BRD10: variants seen among roughly 807,000 people sequenced by gnomAD.
BRD10 encodes bromodomain containing 10.
the BRD10 span, among the ~76,000 whole-genome samples, chr9:5,898,548 T>A: frequency 7.9e-5 from 12 of 152,318 alleles, no homozygotes; most frequent in African/African-American, 2.9e-4. Flanking sequence ...ACCTGTCTCT[T>A]TGGTTCTACT....
At chr9:5,961,793 A>G in the BRD10 span, among the ~76,000 whole-genome samples, 10 of 152,216 alleles carry the variant, frequency 6.6e-5, no homozygotes, top group Non-Finnish European at 1.3e-4. Flanking sequence ...AAAGCAGATT[A>G]AAATGCTTAA....
At chr9:5,994,901 C>CTTTTTCTTTTTT in the BRD10 span, among the ~76,000 whole-genome samples, 4 of 141,688 alleles carry the variant, frequency 2.8e-5, no homozygotes, top group African/African-American at 1.0e-4. Flanking sequence ...TATCATTTTT[C>CTTTTTCTTTTTT]TTTTTTTTTT....
chr9:5,987,995 A>C, the BRD10 span, among the ~76,000 whole-genome samples: 1 of 152,174 alleles, frequency 6.6e-6, no homozygotes, highest in Non-Finnish European at 1.5e-5. Flanking sequence ...TGAACTACAT[A>C]ATCTCTGGAG....
At chr9:6,004,436 T>C in the BRD10 span, among the ~76,000 whole-genome samples, 1 of 152,208 alleles carries the variant, frequency 6.6e-6, no homozygotes, top group Non-Finnish European at 1.5e-5. Flanking sequence ...ATTCAAGTTA[T>C]ATGCTGTGTC....
the BRD10 span, among the ~76,000 whole-genome samples, chr9:5,985,633 G>C: frequency 6.6e-6 from 1 of 151,970 alleles, no homozygotes; most frequent in East Asian, 1.9e-4. Flanking sequence ...TGAAAATACA[G>C]AATTAGCCGG....
chr9:5,993,784 T>G, the BRD10 span, among the ~76,000 whole-genome samples: 1 of 152,236 alleles, frequency 6.6e-6, no homozygotes, highest in South Asian at 2.1e-4. Context: ...AGTTTGATCC[T>G]TATAAATCAG....
At chr9:5,885,924 A>G in the BRD10 span, among the ~76,000 whole-genome samples, 1 of 152,210 alleles carries the variant, frequency 6.6e-6, no homozygotes, top group African/African-American at 2.4e-5. Context: ...ATGAAAGGGC[A>G]ACAGGACTTT....
the BRD10 span, among the ~76,000 whole-genome samples, chr9:5,990,838 G>A: frequency 2.0e-5 from 3 of 151,928 alleles, no homozygotes; most frequent in Non-Finnish European, 4.4e-5. Flanking sequence ...AATCATTAAA[G>A]TTTAACATGA....
At chr9:5,930,306 C>T in the BRD10 span, among the ~76,000 whole-genome samples, 1 of 149,266 alleles carries the variant, frequency 6.7e-6, no homozygotes, top group Non-Finnish European at 1.5e-5. Flanking sequence ...GGAAAAATTA[C>T]CACTATCTAG....
At chr9:5,948,692 G>A in the BRD10 span, among the ~76,000 whole-genome samples, 1 of 151,928 alleles carries the variant, frequency 6.6e-6, no homozygotes, top group African/African-American at 2.4e-5. Flanking sequence ...ATATTAAAAA[G>A]CAAAGCAAAA....
chr9:5,950,879 T>C, the BRD10 span, among the ~76,000 whole-genome samples: 3 of 152,074 alleles, frequency 2.0e-5, no homozygotes, highest in Admixed American at 2.0e-4. Context: ...TAATACAATA[T>C]AGTTGTGATA....
At chr9:5,927,726 T>C in the BRD10 span, among the ~76,000 whole-genome samples, 6 of 152,178 alleles carry the variant, frequency 3.9e-5, no homozygotes, top group African/African-American at 1.4e-4. Flanking sequence ...AACACTTCTC[T>C]TCCTTGACTA....
the BRD10 span, chr9:6,008,084 C>T: frequency 1.0e-6 from 1 of 984,346 alleles, no homozygotes; most frequent in South Asian, 4.7e-5. Flanking sequence ...CTCACCCCTC[C>T]GCACCCCGCC....
At chr9:5,892,294 G>C in the BRD10 span, among the ~76,000 whole-genome samples, 1 of 152,184 alleles carries the variant, frequency 6.6e-6, no homozygotes, top group Non-Finnish European at 1.5e-5. Context: ...TGATATGAAT[G>C]AAAGAAGCAG....
the BRD10 span, among the ~76,000 whole-genome samples, chr9:5,956,537 T>C: frequency 1.3e-5 from 2 of 152,180 alleles, no homozygotes; most frequent in South Asian, 2.1e-4. Context: ...ATAATAGTAT[T>C]ACCTACTCTG....
At chr9:5,951,984 G>A in the BRD10 span, among the ~76,000 whole-genome samples, 1 of 150,544 alleles carries the variant, frequency 6.6e-6, no homozygotes, top group African/African-American at 2.4e-5. Context: ...AGGACACCTT[G>A]AGAACCAGGA....
the BRD10 span, among the ~76,000 whole-genome samples, chr9:5,899,867 G>T: frequency 6.6e-6 from 1 of 152,166 alleles, no homozygotes; most frequent in African/African-American, 2.4e-5. Flanking sequence ...CCCATTGTCT[G>T]CCATTGAGTT....
the BRD10 span, chr9:5,919,426 C>A: frequency 2.8e-6 from 1 of 362,418 alleles, no homozygotes; most frequent in Non-Finnish European, 4.9e-6. Flanking sequence ...ACAGGTAAAT[C>A]CTGACTTTAA....
the BRD10 span, chr9:5,908,490 A>G: frequency 1.4e-5 from 10 of 705,282 alleles, no homozygotes; most frequent in Admixed American, 2.4e-4. Context: ...AAATTTAACA[A>G]TTACTTCACT....
Sources: allele counts gnomAD v4.1 joint callset (sites outside exome capture counted in the v4.1 genomes callset), GRCh38; gene constraint gnomAD v4.1.1; transcripts MANE v1.5; gene names NCBI Gene and HGNC (gene_info 2026-07-23, HGNC 2026-07-21).